The following DIP2C variants were observed in gnomAD, a reference collection of about 807,000 sequenced individuals.
DIP2C encodes the protein DIP2 acetate--CoA ligase C (putative), also known as disco-interacting protein 2 homolog C.
In DIP2C, 33 loss-of-function variants were observed where a neutral mutation model predicts 192.4. The ratio of observed to expected loss-of-function variants is 0.17; its 90% CI spans 0.13 to 0.23. The LOEUF (loss-of-function observed/expected upper bound fraction) is 0.23, where lower values mean the gene tolerates loss of function less well. Ranked by LOEUF, DIP2C falls within the 10% of genes least tolerant of loss-of-function variation. The probability of loss-of-function intolerance (pLI) is 1.00; values close to 1 mark genes in which losing one functional copy is unlikely to be tolerated. For synonymous variants in DIP2C, 979 were observed against 864.1 expected, an observed-to-expected ratio of 1.13 and a Z score of -2.33; for missense variants, 1,537 against 2,110.1, an observed-to-expected ratio of 0.73 and a Z score of 5.32.
chr10:331,484 C>A (rs1235137926), intron 29 of DIP2C, among the ~76,000 whole-genome samples: 1 of 152,144 alleles, frequency 6.6e-6, no homozygotes, highest in African/African-American at 2.4e-5. Context: ...CAAAGATATT[C>A]ATGAAAAAAT....
At chr10:469,738 C>T (rs1483531854) in intron 3 of DIP2C, among the ~76,000 whole-genome samples, 3 of 152,224 alleles carry the variant, frequency 2.0e-5, no homozygotes, top group African/African-American at 7.2e-5. Flanking sequence ...CTGGCCCCCA[C>T]TGTCCCTTCA....
intron 2 of DIP2C, among the ~76,000 whole-genome samples, chr10:476,691 G>A (rs1018579502): frequency 6.6e-6 from 1 of 152,172 alleles, no homozygotes; most frequent in Non-Finnish European, 1.5e-5. Context: ...AGCAGAGGCT[G>A]TCATTCTCCT....
chr10:670,162 G>A (rs533318657), intron 1 of DIP2C, among the ~76,000 whole-genome samples: 60 of 152,060 alleles, frequency 3.9e-4, no homozygotes, highest in South Asian at 1.7e-3. Flanking sequence ...ATGCACGTGC[G>A]CACATGCATG....
intron 32 of DIP2C, among the ~76,000 whole-genome samples, chr10:296,779 A>G (rs576374326): frequency 8.6e-5 from 13 of 151,564 alleles, no homozygotes; most frequent in African/African-American, 2.9e-4. Context: ...TCAGCAAACT[A>G]TCACAAGGAC....
intron 5 of DIP2C, among the ~76,000 whole-genome samples, chr10:420,811 G>A (rs1228663410): frequency 1.3e-5 from 2 of 152,164 alleles, no homozygotes; most frequent in Non-Finnish European, 2.9e-5. Context: ...ACCTGAGTCT[G>A]CAGCCCTGGG....
At chr10:358,021 C>A in intron 22 of DIP2C, 84 bp from the exon 23 acceptor site, 1 of 1,013,330 alleles carries the variant, frequency 9.9e-7, no homozygotes. Context: ...AAAGACCTTA[C>A]TCTCGGAAAA....
chr10:657,816 G>A (rs1440685921), intron 1 of DIP2C, among the ~76,000 whole-genome samples: 8 of 133,988 alleles, frequency 6.0e-5, no homozygotes, highest in Middle Eastern at 6.5e-3. Context: ...TGGACCTGCC[G>A]CTGGACTTGA....
chr10:537,289 C>A (rs1342798362), intron 1 of DIP2C, among the ~76,000 whole-genome samples: 4 of 152,184 alleles, frequency 2.6e-5, no homozygotes, highest in African/African-American at 9.7e-5. Flanking sequence ...TGACCTGGAC[C>A]AGAATCTCTG....
chr10:444,717 A>C (rs908668921), intron 3 of DIP2C, among the ~76,000 whole-genome samples: 1 of 152,202 alleles, frequency 6.6e-6, no homozygotes, highest in African/African-American at 2.4e-5. Context: ...TGCTCAATTC[A>C]AGGCTCCTGG....
rs61837311 is a variant in DIP2C, at chr10:323,263, A to G, written c.3924+3743T>C. On this transcript the variant is annotated intron_variant, in intron 31 of 36. Transcript: ENST00000280886. ...CGGGGGTGCGGGGCTCCGGCGAGAG[A>G]CCGGCGTTGTTAGAACAGTCAGTCG... 6.9e-4 allele frequency among the ~76,000 whole-genome samples: 24 copies of G among 34,730 alleles called. 1 individual carries two copies. Among genetic ancestry groups the G allele is most frequent in the Non-Finnish European group, 1.5e-3 (17 of 11,572 alleles). The allele number at this position is 34,730 out of a possible 152,430, so 22.8% of individuals were successfully genotyped here.
intron 1 of DIP2C, among the ~76,000 whole-genome samples, chr10:550,911 T>C (rs370898827): frequency 9.1e-4 from 139 of 152,324 alleles, no homozygotes; most frequent in South Asian, 8.5e-3. Flanking sequence ...ATGCGAACCG[T>C]GCACATGGCT....
At chr10:325,213 C>A (rs1957220834) in intron 31 of DIP2C, among the ~76,000 whole-genome samples, 1 of 151,824 alleles carries the variant, frequency 6.6e-6, no homozygotes. Flanking sequence ...TGCAGTGAGC[C>A]CAGATCACGG....
chr10:676,066 G>A (rs189809282), intron 1 of DIP2C, among the ~76,000 whole-genome samples: 5 of 152,218 alleles, frequency 3.3e-5, no homozygotes, highest in South Asian at 4.1e-4. Context: ...TATACACCAC[G>A]ATCAAGTGGG....
intron 1 of DIP2C, among the ~76,000 whole-genome samples, chr10:561,404 T>C (rs1354113454): frequency 6.6e-6 from 1 of 152,122 alleles, no homozygotes; most frequent in Admixed American, 6.5e-5. Context: ...GCAGCAGCTC[T>C]CCCATGTCCC....
intron 35 of DIP2C, among the ~76,000 whole-genome samples, chr10:282,514 A>C (rs1954883330): frequency 6.6e-6 from 1 of 152,258 alleles, no homozygotes; most frequent in African/African-American, 2.4e-5. Context: ...TGGTGAGTCA[A>C]GATCTCACCA....
intron 18 of DIP2C, among the ~76,000 whole-genome samples, chr10:367,460 T>G (rs1281590235): frequency 2.7e-5 from 4 of 150,590 alleles, no homozygotes; most frequent in African/African-American, 9.8e-5. Context: ...CACTGAAAGA[T>G]TCTTCACCCA....
chr10:587,127 C>A (rs955067566), intron 1 of DIP2C, among the ~76,000 whole-genome samples: 11 of 150,886 alleles, frequency 7.3e-5, no homozygotes, highest in Admixed American at 2.0e-4. Flanking sequence ...GAGGGGCAAA[C>A]AGTGCAGGGT....
At chr10:674,197 T>C (rs1452076696) in intron 1 of DIP2C, among the ~76,000 whole-genome samples, 1 of 152,200 alleles carries the variant, frequency 6.6e-6, no homozygotes, top group African/African-American at 2.4e-5. Flanking sequence ...AAACCAACTC[T>C]ATGCTGCCTA....
chr10:421,880 C>T (rs912032794), intron 5 of DIP2C, among the ~76,000 whole-genome samples: 4 of 152,180 alleles, frequency 2.6e-5, no homozygotes, highest in East Asian at 1.9e-4. Context: ...AAACGGCCGA[C>T]GCTTTAAGTC....
Sources: allele counts gnomAD v4.1 joint callset (sites outside exome capture counted in the v4.1 genomes callset), GRCh38; gene constraint gnomAD v4.1.1; transcripts MANE v1.5; gene names NCBI Gene and HGNC (gene_info 2026-07-23, HGNC 2026-07-21).